CREB5: variants seen among roughly 807,000 people sequenced by gnomAD.
CREB5 encodes the protein cyclic AMP-responsive element-binding protein 5.
In CREB5, 19 loss-of-function variants were observed where a neutral mutation model predicts 57.1. The ratio of observed to expected loss-of-function variants is 0.33; its 90% CI spans 0.23 to 0.49. CREB5 has a LOEUF of 0.49. Ranked by LOEUF, CREB5 falls within the 20% of genes least tolerant of loss-of-function variation. The pLI is 0.99. For synonymous variants in CREB5, 238 were observed against 238.3 expected, an observed-to-expected ratio of 1.00 and a Z score of 0.01; for missense variants, 579 against 671.6, an observed-to-expected ratio of 0.86 and a Z score of 1.52.
chr7:28,523,073 T>C (rs1297910385), intron 4 of CREB5, among the ~76,000 whole-genome samples: 1 of 152,162 alleles, frequency 6.6e-6, no homozygotes, highest in African/African-American at 2.4e-5. Flanking sequence ...GGAACCTATA[T>C]TAGATTCTAA....
At chr7:28,561,005 CGT>C (rs1375240061) in intron 4 of CREB5, among the ~76,000 whole-genome samples, 1,354 of 26,308 alleles carry the variant, frequency 0.051, 102 homozygotes, top group South Asian at 0.085. Flanking sequence ...CCTGCGTGTG[CGT>C]GTGTGTGTGC....
intron 1 of CREB5, among the ~76,000 whole-genome samples, chr7:28,300,507 G>A (rs1440163086): frequency 9.2e-5 from 14 of 152,120 alleles, no homozygotes; most frequent in Admixed American, 9.2e-4. Flanking sequence ...CCTGTGCGTA[G>A]TACCTGTGGG....
rs185955847 is a variant in CREB5, at chr7:28,728,357, T to G, written c.702+4025T>G. Among the ~76,000 whole-genome samples, 3 of 152,348 alleles carry G rather than the reference T, an allele frequency of 2.0e-5. No homozygotes were observed. In the East Asian group the frequency reaches 5.8e-4, roughly 29 times the overall value. ...CAGACTCCAGTAACAAAGCTTTTGA[T>G]CACAACATTGATCCTTTGGATAAAA... On this transcript the variant is annotated intron_variant, in intron 7 of 10. Transcript: ENST00000357727.
intron 4 of CREB5, among the ~76,000 whole-genome samples, chr7:28,515,960 C>G (rs1391177081): frequency 6.6e-6 from 1 of 151,762 alleles, no homozygotes. Context: ...AATCTGAGCT[C>G]TCTGGGAGGC....
At chr7:28,802,226 G>A in intron 7 of CREB5, among the ~76,000 whole-genome samples, 1 of 152,074 alleles carries the variant, frequency 6.6e-6, no homozygotes, top group South Asian at 2.1e-4. Flanking sequence ...GAGGTGAGAA[G>A]TAGACTATGT....
Position 28,560,873 on chromosome 7 carries a change from C to CGTGTGTGT in CREB5, c.292-9491_292-9490insTGTGTGTG, listed in dbSNP as rs1219079270. 3.2e-3 allele frequency among the ~76,000 whole-genome samples: 71 copies of CGTGTGTGT among 22,102 alleles called. 5 individuals are homozygous for CGTGTGTGT. Among genetic ancestry groups the CGTGTGTGT allele is most frequent in the South Asian group, 0.011 (3 of 262 alleles). 14.5% of individuals were successfully genotyped at this position (22,102 alleles called of 152,430 possible). A position where few individuals can be genotyped will look rare whatever the true frequency, so the allele number is the denominator to read the frequency against. Reference sequence around the variant, plus strand: ...GTGTGTGTGTGCGTGTGCCTGCGTGCGCGTGCGTGCGTGCGTGTGTGTGCG... The same window carrying CGTGTGTGT: ...GTGTGTGTGTGCGTGTGCCTGCGTGCGTGTGTGTGCGTGCGTGCGTGCGTGTGTGTGCG... On this transcript the variant is annotated intron_variant, in intron 4 of 10. Coordinates refer to ENST00000357727, the MANE Select transcript of CREB5 (RefSeq NM_182898.4).
At chr7:28,359,221 A>AAAT (rs200048172) in intron 1 of CREB5, among the ~76,000 whole-genome samples, 13 of 91,448 alleles carry the variant, frequency 1.4e-4, no homozygotes, top group Admixed American at 2.5e-4. Flanking sequence ...CACACAAAAC[A>AAAT]AATAAAAAAA....
intron 1 of CREB5, among the ~76,000 whole-genome samples, chr7:28,311,856 G>T (rs1183960514): frequency 2.0e-5 from 3 of 152,162 alleles, no homozygotes; most frequent in African/African-American, 7.2e-5. Flanking sequence ...GGCAGGCACT[G>T]TCTCTGCCGT....
chr7:28,550,814 T>C (rs1317227447), intron 4 of CREB5, among the ~76,000 whole-genome samples: 1 of 152,186 alleles, frequency 6.6e-6, no homozygotes, highest in Admixed American at 6.5e-5. Flanking sequence ...ATTGCTTACA[T>C]AGCATCAATA....
intron 4 of CREB5, among the ~76,000 whole-genome samples, chr7:28,513,028 G>T (rs1792780559): frequency 6.6e-6 from 1 of 152,210 alleles, no homozygotes; most frequent in African/African-American, 2.4e-5. Flanking sequence ...GCATGGTGGG[G>T]TCAGCCTCAG....
At chr7:28,631,548 C>G (rs149435795) in intron 5 of CREB5, among the ~76,000 whole-genome samples, 61 of 152,204 alleles carry the variant, frequency 4.0e-4, no homozygotes, top group African/African-American at 1.5e-3. Flanking sequence ...GCCAGTGCTG[C>G]CTTTTTCGGA....
intron 1 of CREB5, among the ~76,000 whole-genome samples, chr7:28,434,627 A>G (rs900256249): frequency 6.6e-6 from 1 of 152,240 alleles, no homozygotes; most frequent in African/African-American, 2.4e-5. Flanking sequence ...GTTGATTTTT[A>G]AACCACATTA....
chr7:28,481,643 A>G (rs1248570583), intron 1 of CREB5, among the ~76,000 whole-genome samples: 1 of 152,188 alleles, frequency 6.6e-6, no homozygotes, highest in Non-Finnish European at 1.5e-5. Context: ...AGCCCAATGA[A>G]ATTCAGATTC....
chr7:28,665,204 A>T (rs1368627646), intron 5 of CREB5, among the ~76,000 whole-genome samples: 1 of 152,248 alleles, frequency 6.6e-6, no homozygotes, highest in African/African-American at 2.4e-5. Context: ...ACCATCAGGG[A>T]GGGCCAAGGA....
chr7:28,709,018 T>C (rs1802269741), intron 5 of CREB5, among the ~76,000 whole-genome samples: 1 of 152,230 alleles, frequency 6.6e-6, no homozygotes, highest in South Asian at 2.1e-4. Context: ...CGGAAAGAAA[T>C]TTAACTGAGA....
rs575327287 is a variant in CREB5 at position 28,487,080 on chromosome 7, G to A, written c.4-1095G>A. Among the ~76,000 whole-genome samples the A allele has an allele frequency of 2.6e-3, 396 of 152,174 alleles. 4 individuals are homozygous for A. The highest frequency in any genetic ancestry group is 8.9e-3 in the African/African-American group (371 of 41,524). ...CACCCAGGCTGGAGTGCCATGGTGCGATCTCAGCTCACTGCAACCTCTGCC... is the reference window on the plus strand; with the variant it reads ...CACCCAGGCTGGAGTGCCATGGTGCAATCTCAGCTCACTGCAACCTCTGCC... On this transcript the variant is annotated intron_variant, in intron 1 of 10. Coordinates refer to ENST00000357727, the MANE Select transcript of CREB5 (RefSeq NM_182898.4).
At chr7:28,447,762 A>T (rs564308201) in intron 1 of CREB5, among the ~76,000 whole-genome samples, 5 of 152,276 alleles carry the variant, frequency 3.3e-5, no homozygotes, top group Admixed American at 2.6e-4. Flanking sequence ...TTCTGATGAC[A>T]CAACTGCCCC....
At chr7:28,754,398 G>A (rs951024887) in intron 7 of CREB5, among the ~76,000 whole-genome samples, 1 of 152,188 alleles carries the variant, frequency 6.6e-6, no homozygotes, top group African/African-American at 2.4e-5. Flanking sequence ...CAGAACCTCA[G>A]CAGTGTATAA....
At chr7:28,726,917 A>C (rs1441193686) in intron 7 of CREB5, among the ~76,000 whole-genome samples, 1 of 152,152 alleles carries the variant, frequency 6.6e-6, no homozygotes, top group Non-Finnish European at 1.5e-5. Flanking sequence ...AGAAGTGGAC[A>C]GAAGTTTAAG....
Sources: gnomAD v4.1 joint callset for allele counts (sites outside exome capture counted in the v4.1 genomes callset) on GRCh38, gnomAD v4.1.1 for gene constraint, MANE v1.5 for transcripts, NCBI Gene and HGNC (gene_info 2026-07-23, HGNC 2026-07-21) for gene names.